Variants in PSG1 observed in about 807,000 individuals in gnomAD.
The protein encoded by PSG1 is pregnancy-specific beta-1-glycoprotein 1.
A neutral mutation model predicts 41.4 loss-of-function variants in PSG1; 60 were observed. The observed-to-expected ratio is 1.45, with a 90% CI of 1.18 to 1.80. The LOEUF is 1.80. Among genes scored for constraint, PSG1 ranks in the 40% most tolerant of loss-of-function variants. PSG1 has a pLI of 0.00. For missense variants in PSG1, 806 were observed against 516.9 expected, an observed-to-expected ratio of 1.56 and a Z score of -5.42; for synonymous variants, 256 against 192.9, an observed-to-expected ratio of 1.33 and a Z score of -2.71.
At chr19:42,873,285 G>A (rs1434644558) in intron 2 of PSG1, among the ~76,000 whole-genome samples, 3 of 151,648 alleles carry the variant, frequency 2.0e-5, no homozygotes, top group Non-Finnish European at 4.4e-5. Flanking sequence ...TACTGGTTTA[G>A]CATCCCAAAT....
At position 42,868,833 on chromosome 19, in the gene PSG1, T is replaced by C. The variant is rs776609116; in HGVS notation, c.911A>G (p.Glu304Gly). 1 of 1,611,684 alleles carries C rather than the reference T, an allele frequency of 6.2e-7. No homozygotes were observed. Among genetic ancestry groups the C allele is most frequent in the South Asian group, 1.1e-5 (1 of 90,760 alleles). The change falls in exon 4 of 6, where the codon GAA becomes GGA. Residue 304 changes from glutamate to glycine, a missense_variant. By Grantham distance (98) the Glu-to-Gly change is moderately conservative (BLOSUM62 -2). Transcript: ENST00000436291. ...TATTTCACATTGATAGGGTCCTGTT[T>C]CATTTCTCGTGACACTGGGTAGAAT... Reference protein sequence around the residue: ...ILILPSVTRNETGPYQCEIRD... With the variant: ...ILILPSVTRNGTGPYQCEIRD...
Position 42,878,248 on chromosome 19 carries a change from G to A in PSG1, c.95C>T (p.Thr32Ile), listed in dbSNP as rs200054291. ...ASLLNFWNLP[T>I]TAQVTIEAEP... Reference sequence around the variant, plus strand: ...GGCTTCAATCGTGACTTGGGCAGTGGTGGGCAGGTTCCAGAAGTTTAAAAG... The same window carrying A: ...GGCTTCAATCGTGACTTGGGCAGTGATGGGCAGGTTCCAGAAGTTTAAAAG... Residue 32 changes from threonine (T) to isoleucine (I), a missense_variant, in exon 2 of 6, where the codon ACC becomes ATC. Physicochemically the swap from Thr to Ile is moderately conservative, Grantham distance 89. Transcript: ENST00000436291. 1.1e-5 allele frequency: 17 copies of A among 1,610,062 alleles called. No individual in the cohort carries two copies. The highest frequency in any genetic ancestry group is 1.3e-5 in the Non-Finnish European group (15 of 1,178,358).
At chr19:42,874,688 T>A (rs1971532091) in intron 2 of PSG1, among the ~76,000 whole-genome samples, 1 of 151,726 alleles carries the variant, frequency 6.6e-6, no homozygotes. Flanking sequence ...TTTGTTCAGC[T>A]TTTTACTTAG....
chr19:42,872,838 T>A lies in PSG1; in HGVS notation c.431-793A>T, dbSNP rs1266496085. 1.3e-5 allele frequency among the ~76,000 whole-genome samples: 2 copies of A among 151,794 alleles called. 1 individual carries two copies. The highest frequency in any genetic ancestry group is 2.9e-5 in the Non-Finnish European group (2 of 67,940). On this transcript the variant is annotated intron_variant, in intron 2 of 5. Transcript: ENST00000436291. The stretch of plus-strand genomic sequence containing the variant: ...CCATGTGGATCTTTCTAGAAATACA[T>A]GTGGATCTTTGCAAATGCAGAACTG...
At chr19:42,871,647 G>C (rs1194295439) in intron 3 of PSG1, 120 bp downstream of exon 3, 3 of 1,607,618 alleles carry the variant, frequency 1.9e-6, no homozygotes, top group Non-Finnish European at 2.6e-6. Flanking sequence ...GTCATGGCCA[G>C]GTTTGATGTC....
At chr19:42,875,011 A>G (rs1796037169) in intron 2 of PSG1, among the ~76,000 whole-genome samples, 1 of 151,792 alleles carries the variant, frequency 6.6e-6, no homozygotes, top group African/African-American at 2.4e-5. Context: ...GCTCCTTAGC[A>G]GGTTGAGGCT....
rs759563235 is a variant in PSG1 at position 42,878,285 on chromosome 19, G to T, written c.65-7C>A. 1.2e-6 allele frequency: 2 copies of T among 1,600,400 alleles called. No homozygotes were observed. Among genetic ancestry groups the T allele is most frequent in the South Asian group, 2.3e-5 (2 of 88,290 alleles). On this transcript the variant is annotated splice_polypyrimidine_tract_variant and splice_region_variant and intron_variant, in intron 1 of 5. Coordinates refer to ENST00000436291, the MANE Select transcript of PSG1 (RefSeq NM_001184825.2). ...CAGAAGTTTAAAAGTGATGCTAGGA[G>T]GTGGAGAGAACATCAGTCAATATTG... is the stretch of plus-strand genomic sequence containing the variant.
At chr19:42,877,305 T>C (rs1971649466) in intron 2 of PSG1, among the ~76,000 whole-genome samples, 1 of 151,560 alleles carries the variant, frequency 6.6e-6, no homozygotes, top group Non-Finnish European at 1.5e-5. Context: ...TGTCTTTCTG[T>C]CCTCTCCACT....
rs145048400 is a variant in PSG1 at position 42,874,981 on chromosome 19, G to T, written c.430+2932C>A. Among the ~76,000 whole-genome samples the T allele has an allele frequency of 8.7e-3, 1,317 of 151,718 alleles. 48 individuals carry two copies. The highest frequency in any genetic ancestry group is 0.03 in the African/African-American group (1,242 of 41,366). On this transcript the variant is annotated intron_variant, in intron 2 of 5. Transcript: ENST00000436291. ...CTGACAGGAAGCCAGAAGTCTATAGGAAGTGACTGGAGAATGTGAGCTCCT... is the reference window on the plus strand; with the variant it reads ...CTGACAGGAAGCCAGAAGTCTATAGTAAGTGACTGGAGAATGTGAGCTCCT...
rs757576924 is a variant in PSG1, at chr19:42,878,016, G to C, written c.327C>G (p.Ile109Met). The stretch of plus-strand genomic sequence containing the variant: ...CTGCGTCCTCCCGGGTGACATTCTG[G>C]ATCAGCAGGGATGCATTGGAATATG... ...ETAYSNASLLIQNVTREDAGS... is the reference protein window; with the variant it reads ...ETAYSNASLLMQNVTREDAGS... The change falls in exon 2 of 6, where the codon ATC (isoleucine) becomes ATG (methionine). Residue 109 changes from isoleucine (I) to methionine (M), a missense_variant. Coordinates refer to ENST00000436291, the MANE Select transcript of PSG1 (RefSeq NM_001184825.2). 3.7e-6 allele frequency: 6 copies of C among 1,612,384 alleles called. No homozygotes were observed. The highest frequency in any genetic ancestry group is 5.1e-6 in the Non-Finnish European group (6 of 1,179,172).
chr19:42,867,389 A>C, intron 5 of PSG1: 4 of 575,532 alleles, frequency 7.0e-6, no homozygotes, highest in Non-Finnish European at 9.2e-6. Context: ...GTCTTCTAAA[A>C]TTTTCTTTTC....
intron 2 of PSG1, among the ~76,000 whole-genome samples, chr19:42,872,883 A>G (rs1971454029): frequency 6.6e-6 from 1 of 151,878 alleles, no homozygotes; most frequent in Non-Finnish European, 1.5e-5. Flanking sequence ...AAGGGCGATC[A>G]TGAACTGATG....
intron 3 of PSG1, chr19:42,870,151 A>T (rs1170334238): frequency 7.2e-5 from 11 of 151,816 alleles, no homozygotes; most frequent in East Asian, 1.9e-4. Flanking sequence ...GTTCTAGAGA[A>T]CTGCTGTAGA....
rs548296629 is a variant in PSG1 at position 42,879,390 on chromosome 19, G to C, written c.64+128C>G. ...ACTGATCTTGAACTTCTGATCTCAT[G>C]ATCCACCCACCTCAGACTCCCAAAG... On this transcript the variant is annotated intron_variant, in intron 1 of 5. Transcript: ENST00000436291. The C allele has an allele frequency of 5.1e-5, 72 of 1,413,170 alleles. 1 individual carries two copies. The highest frequency in any genetic ancestry group is 6.5e-5 in the Non-Finnish European group (67 of 1,023,348). The allele number at this position is 1,413,170 out of a possible 1,614,324, so 87.5% of individuals were successfully genotyped here. A position where few individuals can be genotyped will look rare whatever the true frequency, so the allele number is the denominator to read the frequency against.
chr19:42,877,298 C>G (rs1971649186), intron 2 of PSG1, among the ~76,000 whole-genome samples: 1 of 151,602 alleles, frequency 6.6e-6, no homozygotes, highest in Non-Finnish European at 1.5e-5. Context: ...CAAAGCTTGT[C>G]TTTCTGTCCT....
chr19:42,868,339 G>A lies in PSG1; in HGVS notation c.1005C>T (p.Pro335=). The change falls in exon 5 of 6, where the codon CCC becomes CCT. Residue 335 remains proline, a synonymous_variant. Coordinates refer to ENST00000436291, the MANE Select transcript of PSG1 (RefSeq NM_001184825.2). ...AATAGGTGAATGAAGGGTAAATTCT[G>A]GGGAGGTCTGGACCATCTGGAGCAA... ...TLNVLYGPDL[P]RIYPSFTYYR... is the part of the protein sequence containing the mutation. 6.2e-7 allele frequency: 1 copy of A among 1,610,888 alleles called. No individual in the cohort carries two copies. The highest frequency in any genetic ancestry group is 1.1e-5 in the South Asian group (1 of 90,688).
rs771885730 is a variant in PSG1, at chr19:42,868,282, A to C, written c.1062T>G (p.Cys354Trp). 1.9e-6 allele frequency: 3 copies of C among 1,612,310 alleles called. No homozygotes were observed. Among genetic ancestry groups the C allele is most frequent in the Admixed American group, 1.7e-5 (1 of 59,850 alleles). Residue 354 changes from cysteine to tryptophan, a missense_variant, in exon 5 of 6, where the codon TGT becomes TGG. By Grantham distance (215) the Cys-to-Trp change is radical. Coordinates refer to ENST00000436291, the MANE Select transcript of PSG1 (RefSeq NM_001184825.2). The part of the protein sequence containing the change: ...YRSGEVLYLS[C>W]SADSNPPAQY... The stretch of plus-strand genomic sequence containing the variant: ...GTGCCGGTGGGTTAGAGTCCGCAGA[A>C]CAGGACAAGTAGAGGACTTCTCCTG...
intron 3 of PSG1, chr19:42,870,347 A>G (rs971531465): frequency 6.6e-6 from 1 of 151,678 alleles, no homozygotes; most frequent in Non-Finnish European, 1.5e-5. Context: ...TCAGCATCAG[A>G]TTAGTAGGCA....
At chr19:42,878,903 G>A (rs559177613) in intron 1 of PSG1, among the ~76,000 whole-genome samples, 1 of 151,566 alleles carries the variant, frequency 6.6e-6, no homozygotes, top group East Asian at 1.9e-4. Flanking sequence ...AATTGTTGAG[G>A]TTTCTTGCTG....
Sources: gnomAD v4.1 joint callset for allele counts (sites outside exome capture counted in the v4.1 genomes callset) on GRCh38, gnomAD v4.1.1 for gene constraint, MANE v1.5 for transcripts, NCBI Gene and HGNC (gene_info 2026-07-23, HGNC 2026-07-21) for gene names.